KLHL29: variants seen among roughly 807,000 people sequenced by gnomAD.
KLHL29 encodes the protein kelch-like protein 29.
Under a neutral mutation model 80.4 loss-of-function variants are expected in KLHL29, and 21 were observed. That is an observed-to-expected ratio of 0.26 (90% confidence interval 0.19 to 0.38). KLHL29 has a LOEUF of 0.38. Among genes scored for constraint, KLHL29 ranks in the 10% least tolerant of loss-of-function variants. The probability of loss-of-function intolerance (pLI) is 1.00; values close to 1 mark genes in which losing one functional copy is unlikely to be tolerated. For synonymous variants in KLHL29, 511 were observed against 526.8 expected (o/e 0.97, Z 0.41); for missense variants, 867 against 1,223.9 (o/e 0.71, Z 4.35).
intron 2 of KLHL29, among the ~76,000 whole-genome samples, chr2:23,499,219 T>C (rs554590386): frequency 6.6e-6 from 1 of 152,250 alleles, no homozygotes; most frequent in Admixed American, 6.5e-5. Flanking sequence ...TTCTGGCTGC[T>C]CAGGGCTCAC....
chr2:23,505,001 A>G (rs1665559122), intron 2 of KLHL29, among the ~76,000 whole-genome samples: 1 of 152,212 alleles, frequency 6.6e-6, no homozygotes, highest in Admixed American at 6.5e-5. Flanking sequence ...GGGGACAGTC[A>G]TTTCAGAGCA....
chr2:23,606,614 A>C (rs1368242660), intron 3 of KLHL29, among the ~76,000 whole-genome samples: 4 of 152,254 alleles, frequency 2.6e-5, no homozygotes, highest in Non-Finnish European at 5.9e-5. Flanking sequence ...TGAGGGAACA[A>C]ATCATTCACT....
At chr2:23,492,469 A>C (rs1049769762) in intron 2 of KLHL29, among the ~76,000 whole-genome samples, 2 of 152,092 alleles carry the variant, frequency 1.3e-5, no homozygotes, top group Non-Finnish European at 2.9e-5. Context: ...CTCCAGCCTC[A>C]GCTTATTGGA....
intron 1 of KLHL29, among the ~76,000 whole-genome samples, chr2:23,427,205 AGG>A (rs1455689524): frequency 1.3e-5 from 2 of 152,182 alleles, no homozygotes; most frequent in Non-Finnish European, 2.9e-5. Context: ...CCAGTTTGAA[AGG>A]GGGCCACACG....
intron 11 of KLHL29, among the ~76,000 whole-genome samples, chr2:23,699,380 C>T (rs976803305): frequency 7.2e-5 from 11 of 152,182 alleles, no homozygotes; most frequent in African/African-American, 1.9e-4. Flanking sequence ...GCATGGTGGG[C>T]GGTAGATGTG....
chr2:23,636,146 G>A (rs889516323), intron 3 of KLHL29, among the ~76,000 whole-genome samples: 1 of 152,194 alleles, frequency 6.6e-6, no homozygotes, highest in Admixed American at 6.5e-5. Context: ...GGAACTCGTC[G>A]TAGGAGGGGC....
At chr2:23,683,138 G>A (rs1671138227) in intron 5 of KLHL29, among the ~76,000 whole-genome samples, 1 of 152,228 alleles carries the variant, frequency 6.6e-6, no homozygotes, top group Admixed American at 6.5e-5. Flanking sequence ...GCAGGGCTGG[G>A]GCCAGGAAGG....
intron 2 of KLHL29, among the ~76,000 whole-genome samples, chr2:23,515,345 G>A (rs67501036): frequency 0.099 from 15,125 of 152,050 alleles, 1,706 homozygotes; most frequent in African/African-American, 0.28. Flanking sequence ...AGTCCCTTCC[G>A]GTTCCTGAGC....
chr2:23,569,147 C>G (rs1300638955), intron 3 of KLHL29, among the ~76,000 whole-genome samples: 1 of 152,210 alleles, frequency 6.6e-6, no homozygotes, highest in Non-Finnish European at 1.5e-5. Context: ...TGCTAACCTA[C>G]TGATTTGGAA....
At chr2:23,685,718 C>T (rs557883285) in intron 6 of KLHL29, among the ~76,000 whole-genome samples, 2 of 152,342 alleles carry the variant, frequency 1.3e-5, no homozygotes, top group East Asian at 3.9e-4. Flanking sequence ...TGCTTGGGCT[C>T]TCTCTGTCCA....
Position 23,642,724 on chromosome 2 carries a change from G to A in KLHL29, c.814G>A (p.Ala272Thr), listed in dbSNP as rs923886016. Residue 272 changes from alanine to threonine, a missense_variant, in exon 5 of 14, where the codon GCC becomes ACC. Coordinates refer to ENST00000486442, the MANE Select transcript of KLHL29 (RefSeq NM_052920.2). ...LPPPPPAQPS[A>T]TLPSGAPATN... Reference sequence around the variant, plus strand: ...TCCACCGCCGCCAGCCCAGCCGTCCGCCACTCTCCCCAGTGGTGCCCCTGC... The same window carrying A: ...TCCACCGCCGCCAGCCCAGCCGTCCACCACTCTCCCCAGTGGTGCCCCTGC... 1.1e-5 allele frequency: 17 copies of A among 1,549,030 alleles called. No homozygotes were observed. The highest frequency in any genetic ancestry group is 1.7e-4 in the Middle Eastern group (1 of 5,974).
intron 2 of KLHL29, among the ~76,000 whole-genome samples, chr2:23,511,670 G>GT (rs753889359): frequency 1.2e-4 from 18 of 152,202 alleles, no homozygotes; most frequent in Non-Finnish European, 2.4e-4. Context: ...CACAAATTTT[G>GT]TTTTTTCTGA....
intron 1 of KLHL29, among the ~76,000 whole-genome samples, chr2:23,471,319 A>G (rs1664490047): frequency 6.6e-6 from 1 of 152,166 alleles, no homozygotes; most frequent in Non-Finnish European, 1.5e-5. Flanking sequence ...TCTCCCCTAA[A>G]AACATGGTGT....
intron 2 of KLHL29, among the ~76,000 whole-genome samples, chr2:23,539,583 A>C (rs985596667): frequency 6.6e-6 from 1 of 151,852 alleles, no homozygotes; most frequent in Admixed American, 6.6e-5. Flanking sequence ...CTGGGACTAC[A>C]GGTGCGCACC....
At chr2:23,583,524 T>G (rs1028982534) in intron 3 of KLHL29, among the ~76,000 whole-genome samples, 1 of 152,178 alleles carries the variant, frequency 6.6e-6, no homozygotes, top group Non-Finnish European at 1.5e-5. Flanking sequence ...AAAGGGCGAT[T>G]AAAGCGAGAA....
chr2:23,626,560 G>A (rs569464381), intron 3 of KLHL29, among the ~76,000 whole-genome samples: 1 of 152,222 alleles, frequency 6.6e-6, no homozygotes, highest in South Asian at 2.1e-4. Flanking sequence ...ATCAGCTGTT[G>A]TAATTATGAT....
intron 11 of KLHL29, among the ~76,000 whole-genome samples, chr2:23,698,923 A>G (rs1672178014): frequency 6.6e-6 from 1 of 152,200 alleles, no homozygotes; most frequent in South Asian, 2.1e-4. Context: ...ACAGCCACAT[A>G]ATCTTCCACT....
intron 3 of KLHL29, among the ~76,000 whole-genome samples, chr2:23,566,497 CTT>C (rs1667593031): frequency 1.3e-5 from 2 of 152,234 alleles, no homozygotes; most frequent in African/African-American, 4.8e-5. Context: ...GTTATGGTAA[CTT>C]TTCCATCTGC....
At chr2:23,533,609 C>A (rs1666569712) in intron 2 of KLHL29, among the ~76,000 whole-genome samples, 1 of 152,186 alleles carries the variant, frequency 6.6e-6, no homozygotes, top group African/African-American at 2.4e-5. Context: ...AAAGCTCCTT[C>A]CCTGGCAGCT....
Sources: gnomAD v4.1 joint callset for allele counts (sites outside exome capture counted in the v4.1 genomes callset) on GRCh38, gnomAD v4.1.1 for gene constraint, MANE v1.5 for transcripts, NCBI Gene and HGNC (gene_info 2026-07-23, HGNC 2026-07-21) for gene names.